The following NPFFR2 variants were observed in gnomAD, a reference collection of about 807,000 sequenced individuals.
NPFFR2 encodes the protein neuropeptide FF receptor 2.
NPFFR2 carries 15 observed loss-of-function variants against 13.1 expected under a neutral mutation model. That is an observed-to-expected ratio of 1.15 (90% CI 0.77 to 1.76). The LOEUF is 1.76. Among genes scored for constraint, NPFFR2 ranks in the 40% most tolerant of loss-of-function variants. The probability of loss-of-function intolerance (pLI) is 0.00; values close to 1 mark genes in which losing one functional copy is unlikely to be tolerated. For synonymous variants in NPFFR2, 190 were observed against 175.7 expected, an observed-to-expected ratio of 1.08 and a Z score of -0.65; for missense variants, 572 against 503.5, an observed-to-expected ratio of 1.14 and a Z score of -1.30.
intron 2 of NPFFR2, 52 bp from the exon 3 acceptor site, chr4:72,137,988 G>A: frequency 2.2e-6 from 3 of 1,361,798 alleles, no homozygotes; most frequent in Non-Finnish European, 2.1e-6. Flanking sequence ...TTCATTTTCA[G>A]TGAGATTTTG....
intron 1 of NPFFR2, among the ~76,000 whole-genome samples, chr4:72,032,680 G>T (rs1280355689): frequency 1.3e-5 from 2 of 152,198 alleles, no homozygotes; most frequent in Non-Finnish European, 2.9e-5. Context: ...CAGGACACCA[G>T]AGTCCTTATT....
chr4:72,144,390 C>T (rs1341713870), intron 3 of NPFFR2, among the ~76,000 whole-genome samples: 1 of 152,086 alleles, frequency 6.6e-6, no homozygotes, highest in Admixed American at 6.6e-5. Context: ...AGTCATCAAT[C>T]CTTAGCCAAG....
chr4:72,034,866 A>G (rs755963160), intron 1 of NPFFR2, among the ~76,000 whole-genome samples: 8 of 152,220 alleles, frequency 5.3e-5, no homozygotes, highest in Non-Finnish European at 7.3e-5. Flanking sequence ...TCCCTATAGC[A>G]GACAGCTGTT....
At chr4:72,050,804 C>G (rs1308354377) in intron 1 of NPFFR2, among the ~76,000 whole-genome samples, 1 of 149,318 alleles carries the variant, frequency 6.7e-6, no homozygotes, top group Non-Finnish European at 1.5e-5. Flanking sequence ...TGATGTTCCC[C>G]TTCCTGTGTC....
intron 1 of NPFFR2, among the ~76,000 whole-genome samples, chr4:72,127,262 C>T (rs1276601433): frequency 1.9e-5 from 2 of 106,614 alleles, no homozygotes; most frequent in Non-Finnish European, 3.5e-5. Flanking sequence ...CGAGATCGCG[C>T]CACTGCACTC....
intron 1 of NPFFR2, among the ~76,000 whole-genome samples, chr4:72,098,926 A>T (rs1721148282): frequency 6.6e-6 from 1 of 152,184 alleles, no homozygotes; most frequent in East Asian, 1.9e-4. Context: ...GGGCTCAGAA[A>T]TATATTCTTC....
At chr4:72,090,622 T>C (rs908220511) in intron 1 of NPFFR2, among the ~76,000 whole-genome samples, 1 of 152,140 alleles carries the variant, frequency 6.6e-6, no homozygotes, top group African/African-American at 2.4e-5. Flanking sequence ...GATTTGATTC[T>C]CAGCTTGGTC....
At chr4:72,119,126 C>A (rs1271358307) in intron 1 of NPFFR2, among the ~76,000 whole-genome samples, 3 of 152,036 alleles carry the variant, frequency 2.0e-5, no homozygotes, top group African/African-American at 7.2e-5. Context: ...CTCTTCTATA[C>A]AATATATAAA....
At chr4:72,034,394 C>G (rs1190076533) in intron 1 of NPFFR2, among the ~76,000 whole-genome samples, 4 of 152,056 alleles carry the variant, frequency 2.6e-5, no homozygotes, top group African/African-American at 9.7e-5. Flanking sequence ...AGGAGAAACG[C>G]CAAGCCAAAG....
At chr4:72,081,033 C>T (rs1043729426) in intron 1 of NPFFR2, among the ~76,000 whole-genome samples, 1 of 152,160 alleles carries the variant, frequency 6.6e-6, no homozygotes, top group Non-Finnish European at 1.5e-5. Context: ...ACTCAGATGT[C>T]ACTGCCAACT....
At chr4:72,063,809 C>G (rs1319741613) in intron 1 of NPFFR2, among the ~76,000 whole-genome samples, 1 of 152,108 alleles carries the variant, frequency 6.6e-6, no homozygotes, top group Non-Finnish European at 1.5e-5. Flanking sequence ...AGCCATTCTG[C>G]TAGGTACTGA....
At chr4:72,090,456 C>A (rs544482466) in intron 1 of NPFFR2, among the ~76,000 whole-genome samples, 3 of 152,018 alleles carry the variant, frequency 2.0e-5, no homozygotes, top group African/African-American at 7.2e-5. Context: ...CATCCATGAG[C>A]GTGAGATGTG....
chr4:72,051,481 A>G (rs529558928), intron 1 of NPFFR2, among the ~76,000 whole-genome samples: 28 of 151,474 alleles, frequency 1.8e-4, no homozygotes, highest in African/African-American at 5.6e-4. Context: ...AATCTCTGGG[A>G]CACATTCAAA....
chr4:72,099,126 A>G (rs940341218), intron 1 of NPFFR2, among the ~76,000 whole-genome samples: 1 of 152,184 alleles, frequency 6.6e-6, no homozygotes, highest in African/African-American at 2.4e-5. Flanking sequence ...TGTTTTCCTG[A>G]CGTGTCATTA....
chr4:72,085,283 A>G (rs1401859682), intron 1 of NPFFR2, among the ~76,000 whole-genome samples: 2 of 152,176 alleles, frequency 1.3e-5, no homozygotes, highest in South Asian at 2.1e-4. Flanking sequence ...CGTATCTTAT[A>G]TAATAGCAGT....
chr4:72,040,692 GA>G (rs1719183607), intron 1 of NPFFR2, among the ~76,000 whole-genome samples: 1 of 151,798 alleles, frequency 6.6e-6, no homozygotes, highest in South Asian at 2.1e-4. Flanking sequence ...TTTACCAAAC[GA>G]ACTGTTTGTC....
chr4:72,056,475 C>T (rs1305637067), intron 1 of NPFFR2, among the ~76,000 whole-genome samples: 1 of 151,958 alleles, frequency 6.6e-6, no homozygotes, highest in Non-Finnish European at 1.5e-5. Context: ...TAGAGATATA[C>T]AAATAGATTA....
chr4:72,072,670 A>G (rs1271094499), intron 1 of NPFFR2, among the ~76,000 whole-genome samples: 1 of 152,176 alleles, frequency 6.6e-6, no homozygotes, highest in African/African-American at 2.4e-5. Flanking sequence ...ATCATGGCTG[A>G]AAACTTTTCA....
In NPFFR2 at chr4:72,126,002, T is replaced by TA. The variant is rs1278873768; in HGVS notation, c.-7-2582dup. ...TTCATTCATTTCTGAGGTAGATTAA[T>TA]ATTGAAATATTTTACATTTATGGAA... On this transcript the variant is annotated intron_variant, in intron 1 of 3. Coordinates refer to ENST00000308744, the MANE Select transcript of NPFFR2 (RefSeq NM_004885.3). Among the ~76,000 whole-genome samples the TA allele has an allele frequency of 3.9e-5, 6 of 152,348 alleles. No homozygotes were observed. In the East Asian group the frequency reaches 1.2e-3, roughly 29 times the overall value.
Sources: allele counts gnomAD v4.1 joint callset (sites outside exome capture counted in the v4.1 genomes callset), GRCh38; gene constraint gnomAD v4.1.1; transcripts MANE v1.5; gene names NCBI Gene and HGNC (gene_info 2026-07-23, HGNC 2026-07-21).